The following HHAT variants were observed in gnomAD, a reference collection of about 807,000 sequenced individuals.
HHAT encodes the protein hedgehog acyltransferase, also known as protein-cysteine N-palmitoyltransferase HHAT.
A neutral mutation model predicts 70.8 loss-of-function variants in HHAT; 47 were observed. The ratio of observed to expected loss-of-function variants is 0.66; its 90% CI spans 0.53 to 0.85. The LOEUF is 0.85. Among genes scored for constraint, HHAT ranks in the 40% least tolerant of loss-of-function variants. The probability of loss-of-function intolerance (pLI) is 0.00; values close to 1 mark genes in which losing one functional copy is unlikely to be tolerated. For synonymous variants in HHAT, 228 were observed against 247.6 expected (o/e 0.92, Z 0.74); for missense variants, 609 against 604.8 (o/e 1.01, Z -0.07).
chr1:210,546,003 G>T (rs554085788), intron 9 of HHAT, among the ~76,000 whole-genome samples: 43 of 152,290 alleles, frequency 2.8e-4, no homozygotes, highest in African/African-American at 8.9e-4. Flanking sequence ...ATGAGGAAGG[G>T]CATTTACTTT....
chr1:210,562,680 G>C (rs2095634435), intron 9 of HHAT, among the ~76,000 whole-genome samples: 1 of 151,026 alleles, frequency 6.6e-6, no homozygotes, highest in Non-Finnish European at 1.5e-5. Flanking sequence ...TATACTTTAA[G>C]TTTTAGAGTA....
intron 2 of HHAT, among the ~76,000 whole-genome samples, chr1:210,362,217 A>ATAGTCTGTG (rs1171950618): frequency 1.3e-5 from 2 of 150,684 alleles, no homozygotes; most frequent in East Asian, 3.9e-4. Context: ...GTTTTGTGGC[A>ATAGTCTGTG]TAGTCTGTGT....
chr1:210,380,907 A>AT (rs1159197753), intron 3 of HHAT, among the ~76,000 whole-genome samples: 2 of 152,124 alleles, frequency 1.3e-5, no homozygotes, highest in East Asian at 3.9e-4. Context: ...GGGCCATTTT[A>AT]TGAAGAACTG....
intron 2 of HHAT, among the ~76,000 whole-genome samples, chr1:210,353,375 G>A (rs1368127085): frequency 1.3e-5 from 2 of 150,932 alleles, no homozygotes; most frequent in Non-Finnish European, 2.9e-5. Context: ...TGCAATATTC[G>A]GAATAAAAAC....
At chr1:210,362,702 G>T in intron 2 of HHAT, 150 bp from the exon 3 acceptor site, 1 of 636,500 alleles carries the variant, frequency 1.6e-6, no homozygotes, top group African/African-American at 1.8e-5. Flanking sequence ...GGAAAGCAAG[G>T]TCAAGGAGTG....
At chr1:210,370,207 A>G (rs1484901225) in intron 3 of HHAT, among the ~76,000 whole-genome samples, 1 of 127,630 alleles carries the variant, frequency 7.8e-6, no homozygotes, top group African/African-American at 3.1e-5. Context: ...GCAGAGTCTC[A>G]CTGTGTCACC....
At chr1:210,348,138 A>T (rs1404870995) in intron 1 of HHAT, among the ~76,000 whole-genome samples, 2 of 152,204 alleles carry the variant, frequency 1.3e-5, no homozygotes, top group Non-Finnish European at 1.5e-5. Context: ...CCAGCTACTC[A>T]GGAGGCTGAG....
intron 10 of HHAT, among the ~76,000 whole-genome samples, chr1:210,605,390 C>G (rs1395128529): frequency 1.3e-5 from 2 of 152,170 alleles, no homozygotes; most frequent in African/African-American, 4.8e-5. Context: ...TAGATCACCC[C>G]ATTCACTTCA....
intron 3 of HHAT, among the ~76,000 whole-genome samples, chr1:210,382,710 A>G (rs897951104): frequency 3.3e-5 from 5 of 152,212 alleles, no homozygotes; most frequent in African/African-American, 9.6e-5. Context: ...TGGAGCTGAC[A>G]TTTGAATTGT....
chr1:210,374,202 GT>G (rs1467410734), intron 3 of HHAT: 2 of 152,084 alleles, frequency 1.3e-5, no homozygotes, highest in Admixed American at 1.3e-4. Context: ...TAACTGATTT[GT>G]TTCTCTCCAC....
intron 6 of HHAT, among the ~76,000 whole-genome samples, chr1:210,408,714 G>A (rs889351130): frequency 3.9e-5 from 6 of 152,170 alleles, no homozygotes; most frequent in Non-Finnish European, 8.8e-5. Context: ...AAGAGTTGCT[G>A]GGACTGGCAA....
chr1:210,412,676 G>A (rs2148249734), intron 6 of HHAT, among the ~76,000 whole-genome samples: 1 of 152,320 alleles, frequency 6.6e-6, no homozygotes, highest in Admixed American at 6.5e-5. Flanking sequence ...AGACACACTG[G>A]GGTGCCTCTG....
intron 9 of HHAT, among the ~76,000 whole-genome samples, chr1:210,540,472 C>T (rs997814844): frequency 4.3e-5 from 4 of 92,196 alleles, no homozygotes; most frequent in Non-Finnish European, 1.3e-4. Context: ...CACACACACG[C>T]ACACACATGC....
intron 7 of HHAT, among the ~76,000 whole-genome samples, chr1:210,437,711 G>A (rs1191628809): frequency 6.6e-6 from 1 of 151,634 alleles, no homozygotes; most frequent in African/African-American, 2.4e-5. Context: ...TATTTACATG[G>A]GTCACAAATA....
intron 1 of HHAT, among the ~76,000 whole-genome samples, chr1:210,348,113 C>G (rs2147967158): frequency 6.6e-6 from 1 of 152,272 alleles, no homozygotes; most frequent in East Asian, 1.9e-4. Context: ...GGCACAGTGG[C>G]TTGTGCCTAT....
chr1:210,348,122 A>G (rs961687381), intron 1 of HHAT, among the ~76,000 whole-genome samples: 3 of 152,190 alleles, frequency 2.0e-5, no homozygotes, highest in Non-Finnish European at 4.4e-5. Flanking sequence ...GCTTGTGCCT[A>G]TAAACCCAGC....
At chr1:210,544,870 A>T (rs1317458710) in intron 9 of HHAT, among the ~76,000 whole-genome samples, 2 of 152,174 alleles carry the variant, frequency 1.3e-5, no homozygotes, top group Non-Finnish European at 2.9e-5. Context: ...AGATGGCAGG[A>T]GTTATCTCTG....
intron 11 of HHAT, among the ~76,000 whole-genome samples, chr1:210,660,449 T>C (rs1677428453): frequency 6.6e-6 from 1 of 152,220 alleles, no homozygotes; most frequent in Admixed American, 6.5e-5. Context: ...TCCATGCTCA[T>C]GGATAGGAAG....
chr1:210,365,596 G>T (rs1036820509), intron 3 of HHAT, among the ~76,000 whole-genome samples: 5 of 151,366 alleles, frequency 3.3e-5, no homozygotes, highest in Non-Finnish European at 5.9e-5. Context: ...GGGATTACAG[G>T]TGTGGGCCAC....
Sources: gnomAD v4.1 joint callset for allele counts (sites outside exome capture counted in the v4.1 genomes callset) on GRCh38, gnomAD v4.1.1 for gene constraint, MANE v1.5 for transcripts, NCBI Gene and HGNC (gene_info 2026-07-23, HGNC 2026-07-21) for gene names.